The following CCDC150 variants were observed in gnomAD, a reference collection of about 807,000 sequenced individuals.
CCDC150 encodes the protein coiled-coil domain containing 150, also known as coiled-coil domain-containing protein 150.
In CCDC150, 151 loss-of-function variants were observed where a neutral mutation model predicts 156.5. The ratio of observed to expected loss-of-function variants is 0.97; its 90% CI spans 0.85 to 1.10. CCDC150 has a LOEUF of 1.10. Ranked by LOEUF, CCDC150 falls within the 50% of genes least tolerant of loss-of-function variation. The pLI is 0.00. For missense variants in CCDC150, 1,312 were observed against 1,268.1 expected (o/e 1.03, Z -0.53); for synonymous variants, 452 against 429.4 (o/e 1.05, Z -0.65).
intron 7 of CCDC150, among the ~76,000 whole-genome samples, chr2:196,668,190 T>C (rs1559227226): frequency 6.6e-6 from 1 of 150,656 alleles, no homozygotes; most frequent in African/African-American, 2.5e-5. Context: ...CCCAGCTACT[T>C]GGGAGGCTGA....
At chr2:196,713,289 A>G (rs1395816903) in intron 17 of CCDC150, 1 of 1,407,014 alleles carries the variant, frequency 7.1e-7, no homozygotes, top group Non-Finnish European at 9.3e-7. Flanking sequence ...TTCTCCTAGT[A>G]AAGGGGCTAT....
intron 4 of CCDC150, among the ~76,000 whole-genome samples, 190 bp from the exon 5 acceptor site, chr2:196,658,602 A>C (rs774051858): frequency 6.6e-5 from 10 of 152,206 alleles, no homozygotes; most frequent in Non-Finnish European, 1.0e-4. Context: ...TCAAAGTAAT[A>C]AAATAACTTT....
At chr2:196,664,881 A>G (rs1167704941) in intron 5 of CCDC150, among the ~76,000 whole-genome samples, 1 of 152,076 alleles carries the variant, frequency 6.6e-6, no homozygotes, top group African/African-American at 2.4e-5. Context: ...TGAAATATAT[A>G]TTTCTTATTA....
intron 14 of CCDC150, among the ~76,000 whole-genome samples, chr2:196,698,045 T>A (rs1695937985): frequency 6.6e-6 from 1 of 152,204 alleles, no homozygotes; most frequent in Admixed American, 6.5e-5. Flanking sequence ...ATAATGTTTA[T>A]AGTATATTAC....
At chr2:196,727,695 T>A (rs1346331007) in intron 22 of CCDC150, 1 of 152,130 alleles carries the variant, frequency 6.6e-6, no homozygotes, top group African/African-American at 2.4e-5. Flanking sequence ...TGTAGAAATG[T>A]ACCTTTAGTC....
At chr2:196,706,292 G>A (rs1401156233) in intron 15 of CCDC150, among the ~76,000 whole-genome samples, 1 of 152,126 alleles carries the variant, frequency 6.6e-6, no homozygotes, top group Non-Finnish European at 1.5e-5. Flanking sequence ...ATTGTGAATG[G>A]GAGTTCACTC....
intron 17 of CCDC150, among the ~76,000 whole-genome samples, chr2:196,715,350 C>G (rs1299341228): frequency 6.6e-6 from 1 of 151,930 alleles, no homozygotes; most frequent in East Asian, 1.9e-4. Context: ...AGTAAAAGTT[C>G]AGAAGAGTAT....
chr2:196,693,277 A>G (rs1695602786), intron 13 of CCDC150, among the ~76,000 whole-genome samples: 2 of 152,170 alleles, frequency 1.3e-5, no homozygotes, highest in Non-Finnish European at 1.5e-5. Context: ...TTGTTATGCA[A>G]CACATGTCGG....
chr2:196,732,043 A>C lies in CCDC150; in HGVS notation c.3080A>C (p.Asn1027Thr). The C allele has an allele frequency of 6.2e-7, 1 of 1,613,752 alleles. No individual in the cohort carries two copies. Among genetic ancestry groups the C allele is most frequent in the South Asian group, 1.1e-5 (1 of 91,066 alleles). The change falls in exon 27 of 28, where the codon AAT (asparagine) becomes ACT (threonine). Residue 1027 changes from asparagine (N) to threonine (T), a missense_variant. Transcript: ENST00000389175. Reference protein sequence around the residue: ...ASVESEQITANLEEAHRWFKH... With the variant: ...ASVESEQITATLEEAHRWFKH... ...TATTTATATGTTCAGATAACAGCTAATCTGGAAGAAGCTCATCGCTGGTTT... is the reference window on the plus strand; with the variant it reads ...TATTTATATGTTCAGATAACAGCTACTCTGGAAGAAGCTCATCGCTGGTTT...
chr2:196,711,350 TAGTGAAAG>T (rs1697100735), intron 15 of CCDC150, among the ~76,000 whole-genome samples: 1 of 152,148 alleles, frequency 6.6e-6, no homozygotes, highest in African/African-American at 2.4e-5. Context: ...GTCCAGTAGC[TAGTGAAAG>T]AGATGTTTGC....
rs925286023 is a variant in CCDC150, at chr2:196,712,728, C to T, written c.1855C>T (p.His619Tyr). The change falls in exon 17 of 28, where the codon CAC becomes TAC. Residue 619 changes from histidine (H) to tyrosine (Y), a missense_variant. His to Tyr is a moderately conservative substitution (Grantham distance 83). Transcript: ENST00000389175. ...GGTACACCTGCAGCAGGCAGATGCT[C>T]ACCTGAAAGAAGTATTGGTAATGAA... is the stretch of plus-strand genomic sequence containing the variant. The part of the protein sequence containing the change: ...KRVHLQQADA[H>Y]LKEVKSILER... 3 of 1,609,950 alleles carry T rather than the reference C, an allele frequency of 1.9e-6. No homozygotes were observed. Among genetic ancestry groups the T allele is most frequent in the African/African-American group, 2.7e-5 (2 of 74,870 alleles).
chr2:196,706,357 G>T (rs1359713599), intron 15 of CCDC150, among the ~76,000 whole-genome samples: 1 of 152,222 alleles, frequency 6.6e-6, no homozygotes, highest in South Asian at 2.1e-4. Context: ...TTTGCACATT[G>T]ATTTTGTATC....
chr2:196,660,039 T>A (rs1002785654), intron 5 of CCDC150, among the ~76,000 whole-genome samples: 1 of 152,200 alleles, frequency 6.6e-6, no homozygotes, highest in Non-Finnish European at 1.5e-5. Context: ...GTCTCTCTAG[T>A]CCTGTTATTG....
rs1434226648 is a variant in CCDC150 at position 196,656,729 on chromosome 2, T to C, written c.273T>C (p.Asp91=). ...QNEAICAGKT[D]ILWKNCEFLV... is the part of the protein sequence containing the mutation. ...AAGCAATTTGTGCAGGAAAAACAGA[T>C]ATTTTATGGAAGAACTGTGAGTTTC... The change falls in exon 3 of 28, where the codon GAT becomes GAC. Residue 91 remains aspartate, a synonymous_variant. Transcript: ENST00000389175. 22 of 1,613,734 alleles carry C rather than the reference T, an allele frequency of 1.4e-5. No homozygotes were observed. Among genetic ancestry groups the C allele is most frequent in the Non-Finnish European group, 1.8e-5 (21 of 1,179,794 alleles).
intron 13 of CCDC150, among the ~76,000 whole-genome samples, chr2:196,679,423 C>T (rs1347129973): frequency 6.6e-6 from 1 of 152,122 alleles, no homozygotes; most frequent in Non-Finnish European, 1.5e-5. Context: ...CAGTATGTAG[C>T]ATTTTAAATT....
At chr2:196,696,442 T>C (rs139417563) in intron 14 of CCDC150, among the ~76,000 whole-genome samples, 1,880 of 152,310 alleles carry the variant, frequency 0.012, 13 homozygotes, top group Non-Finnish European at 0.018. Context: ...CTGGGTTCCT[T>C]TGGGAGACCA....
At position 196,720,630 on chromosome 2, in the gene CCDC150, G is replaced by T; in HGVS notation, c.2221G>T (p.Ala741Ser). 6.2e-7 allele frequency: 1 copy of T among 1,613,904 alleles called. No homozygotes were observed. The highest frequency in any genetic ancestry group is 8.5e-7 in the Non-Finnish European group (1 of 1,179,852). ...GGAAGCTGAAGTGGACCAGTGGCAG[G>T]CCAGGATGCTTGTCATGGAGGACCA... is the stretch of plus-strand genomic sequence containing the variant. ...KLEAEVDQWQ[A>S]RMLVMEDQHN... The change falls in exon 20 of 28, where the codon GCC becomes TCC. Residue 741 changes from alanine to serine, a missense_variant. Coordinates refer to ENST00000389175, the MANE Select transcript of CCDC150 (RefSeq NM_001080539.2).
At chr2:196,724,762 A>G (rs1698116329) in intron 21 of CCDC150, among the ~76,000 whole-genome samples, 1 of 152,214 alleles carries the variant, frequency 6.6e-6, no homozygotes, top group Admixed American at 6.5e-5. Context: ...AAAATACAGC[A>G]CTGTAAAAAT....
At chr2:196,650,365 T>A (rs974346635) in intron 2 of CCDC150, among the ~76,000 whole-genome samples, 1 of 152,164 alleles carries the variant, frequency 6.6e-6, no homozygotes, top group Admixed American at 6.5e-5. Flanking sequence ...TGAATGATCC[T>A]TTTACTGTAC....
Sources: gnomAD v4.1 joint callset for allele counts (sites outside exome capture counted in the v4.1 genomes callset) on GRCh38, gnomAD v4.1.1 for gene constraint, MANE v1.5 for transcripts, NCBI Gene and HGNC (gene_info 2026-07-23, HGNC 2026-07-21) for gene names.